The following UGGT2 variants were observed in gnomAD, a reference collection of about 807,000 sequenced individuals.
UGGT2 encodes UDP-glucose:glycoprotein glucosyltransferase 2.
In UGGT2, 180 loss-of-function variants were observed where a neutral mutation model predicts 192.1. The ratio of observed to expected loss-of-function variants is 0.94; its 90% CI spans 0.83 to 1.06. The LOEUF is 1.06. Ranked by LOEUF, UGGT2 falls within the 50% of genes least tolerant of loss-of-function variation. The probability of loss-of-function intolerance (pLI) is 0.00; values close to 1 mark genes in which losing one functional copy is unlikely to be tolerated. For missense variants in UGGT2, 1,849 were observed against 1,795.7 expected, an observed-to-expected ratio of 1.03 and a Z score of -0.54; for synonymous variants, 580 against 591.0, an observed-to-expected ratio of 0.98 and a Z score of 0.27.
chr13:95,959,994 C>T (rs1393636969), intron 12 of UGGT2, among the ~76,000 whole-genome samples: 2 of 152,178 alleles, frequency 1.3e-5, no homozygotes, highest in African/African-American at 4.8e-5. Context: ...AGAGACACCA[C>T]TGATGCTGTT....
At chr13:95,957,531 G>A (rs971421429) in intron 12 of UGGT2, among the ~76,000 whole-genome samples, 64 of 152,200 alleles carry the variant, frequency 4.2e-4, no homozygotes, top group African/African-American at 1.0e-3. Flanking sequence ...GAGGCACACC[G>A]TCTGAGACTG....
chr13:96,020,958 A>G (rs572948195), intron 4 of UGGT2, among the ~76,000 whole-genome samples: 5 of 152,354 alleles, frequency 3.3e-5, no homozygotes, highest in East Asian at 3.9e-4. Flanking sequence ...AGCAAGCAGT[A>G]TAAGCGTTAC....
At chr13:95,950,353 T>C (rs2050018133) in intron 12 of UGGT2, among the ~76,000 whole-genome samples, 1 of 152,082 alleles carries the variant, frequency 6.6e-6, no homozygotes, top group Non-Finnish European at 1.5e-5. Context: ...TAGTACTATA[T>C]ACACTGTAGA....
intron 20 of UGGT2, among the ~76,000 whole-genome samples, chr13:95,909,405 T>C (rs1241687737): frequency 2.0e-5 from 3 of 151,558 alleles, no homozygotes; most frequent in East Asian, 1.9e-4. Flanking sequence ...GTATACACCA[T>C]GGAATACTAT....
At chr13:95,951,486 T>G (rs757954221) in intron 12 of UGGT2, among the ~76,000 whole-genome samples, 20 of 152,176 alleles carry the variant, frequency 1.3e-4, no homozygotes, top group African/African-American at 4.6e-4. Context: ...TGGCAGCTCT[T>G]TGGAAAGGGC....
intron 4 of UGGT2, among the ~76,000 whole-genome samples, chr13:96,015,387 T>C (rs1489509780): frequency 6.6e-6 from 1 of 152,120 alleles, no homozygotes; most frequent in Admixed American, 6.5e-5. Context: ...TGGAATAGAC[T>C]TTACACACAA....
At chr13:95,970,623 G>A (rs536311768) in intron 11 of UGGT2, among the ~76,000 whole-genome samples, 48 of 152,162 alleles carry the variant, frequency 3.2e-4, no homozygotes, top group Non-Finnish European at 5.3e-4. Flanking sequence ...ATGTAAGATC[G>A]AACAAGACAT....
chr13:95,894,622 A>T lies in UGGT2; in HGVS notation c.2795T>A (p.Met932Lys), dbSNP rs768517135. ...SDFIMKVDAL[M>K]SSVPKRASRY... The stretch of plus-strand genomic sequence containing the variant: ...AGATGCACGCTTAGGCACAGAGGAC[A>T]TAAGGGCATCAACTTTCATAATAAA... Residue 932 changes from methionine (M) to lysine (K), a missense_variant, in exon 24 of 39, where the codon ATG (methionine) becomes AAG (lysine). Physicochemically the swap from Met to Lys is moderately conservative, Grantham distance 95. Coordinates refer to ENST00000376747, the MANE Select transcript of UGGT2 (RefSeq NM_020121.4). 1.2e-6 allele frequency: 2 copies of T among 1,612,218 alleles called. No individual in the cohort carries two copies. Among genetic ancestry groups the T allele is most frequent in the African/African-American group, 2.7e-5 (2 of 74,830 alleles).
chr13:95,846,971 G>T (rs1334415750), intron 36 of UGGT2, among the ~76,000 whole-genome samples: 1 of 150,072 alleles, frequency 6.7e-6, no homozygotes, highest in Non-Finnish European at 1.5e-5. Context: ...CTAGATAGAG[G>T]TTCATCGGTT....
At chr13:95,859,546 A>G (rs1205592747) in intron 33 of UGGT2, 45 bp downstream of exon 33, 1 of 1,359,066 alleles carries the variant, frequency 7.4e-7, no homozygotes, top group African/African-American at 1.5e-5. Context: ...CAAATAATTT[A>G]CTATTCAAAC....
intron 5 of UGGT2, among the ~76,000 whole-genome samples, chr13:96,010,144 C>A (rs1488743538): frequency 6.6e-6 from 1 of 151,984 alleles, no homozygotes; most frequent in South Asian, 2.1e-4. Context: ...GGGTATATAC[C>A]CAGAAGAATA....
chr13:95,845,065 T>C (rs1888255257), intron 36 of UGGT2, among the ~76,000 whole-genome samples: 1 of 152,202 alleles, frequency 6.6e-6, no homozygotes, highest in African/African-American at 2.4e-5. Flanking sequence ...TATATGGATA[T>C]GTATTTTAGT....
chr13:95,991,407 G>A (rs1329800967), intron 7 of UGGT2: 3 of 443,390 alleles, frequency 6.8e-6, no homozygotes, highest in Non-Finnish European at 1.3e-5. Context: ...TTTAATGATT[G>A]TCATTCTAAC....
intron 38 of UGGT2, among the ~76,000 whole-genome samples, chr13:95,810,323 C>G (rs1251012446): frequency 6.6e-6 from 1 of 152,110 alleles, no homozygotes; most frequent in East Asian, 1.9e-4. Flanking sequence ...GAGCTCACTC[C>G]AACAGCAACA....
At position 95,837,125 on chromosome 13, in the gene UGGT2, A is replaced by G. The variant is rs1294363824; in HGVS notation, c.4362T>C (p.Cys1454=). 3 of 1,613,940 alleles carry G rather than the reference A, an allele frequency of 1.9e-6. No individual in the cohort carries two copies. Among genetic ancestry groups the G allele is most frequent in the Non-Finnish European group, 2.5e-6 (3 of 1,179,960 alleles). Residue 1454 remains cysteine, a synonymous_variant, in exon 37 of 39, where the codon TGT becomes TGC. Transcript: ENST00000376747. ...TGGCTCTTTGTTTGGATTCATCATC[A>G]CACCAGGTTTCACACCACAGCCAGT... ...PQDWLWCETW[C]DDESKQRAKT...
chr13:95,985,253 T>C (rs1300974817), intron 9 of UGGT2: 3 of 1,257,040 alleles, frequency 2.4e-6, no homozygotes, highest in African/African-American at 3.1e-5. Flanking sequence ...ATATATTTCA[T>C]GTTTTATTAT....
intron 10 of UGGT2, among the ~76,000 whole-genome samples, chr13:95,982,370 G>A (rs952061717): frequency 6.6e-6 from 1 of 152,198 alleles, no homozygotes; most frequent in African/African-American, 2.4e-5. Flanking sequence ...GGTTACCTGG[G>A]ACCAGGCATG....
At chr13:95,993,411 T>A (rs1273282353) in intron 7 of UGGT2, among the ~76,000 whole-genome samples, 1 of 151,850 alleles carries the variant, frequency 6.6e-6, no homozygotes, top group African/African-American at 2.4e-5. Flanking sequence ...AAAATAAAAT[T>A]AAATTAAAAT....
chr13:95,993,528 T>C (rs1053378384), intron 7 of UGGT2, among the ~76,000 whole-genome samples: 3 of 152,220 alleles, frequency 2.0e-5, no homozygotes, highest in African/African-American at 7.2e-5. Flanking sequence ...GATGTTGAGA[T>C]AGCTGAAAAT....
Sources: gnomAD v4.1 joint callset for allele counts (sites outside exome capture counted in the v4.1 genomes callset) on GRCh38, gnomAD v4.1.1 for gene constraint, MANE v1.5 for transcripts, NCBI Gene and HGNC (gene_info 2026-07-23, HGNC 2026-07-21) for gene names.